The following GPN1 variants were observed in gnomAD, a reference collection of about 807,000 sequenced individuals.
The protein encoded by GPN1 is GPN-loop GTPase 1, also known as ATP(GTP)-binding protein.
In GPN1, 44 loss-of-function variants were observed where a neutral mutation model predicts 55.9. That is an observed-to-expected ratio of 0.79 (90% CI 0.62 to 1.01). GPN1 has a LOEUF of 1.01. Among genes scored for constraint, GPN1 ranks in the 50% least tolerant of loss-of-function variants. GPN1 has a pLI of 0.00. For synonymous variants in GPN1, 179 were observed against 162.5 expected, an observed-to-expected ratio of 1.10 and a Z score of -0.77; for missense variants, 466 against 462.8, an observed-to-expected ratio of 1.01 and a Z score of -0.06.
chr2:27,631,221 T>C, intron 3 of GPN1, 155 bp downstream of exon 3: 1 of 614,892 alleles, frequency 1.6e-6, no homozygotes, highest in Non-Finnish European at 2.9e-6. Flanking sequence ...AGAAATACTA[T>C]TTCAGCTTGA....
At chr2:27,644,845 T>C (rs1674144232) in intron 12 of GPN1, among the ~76,000 whole-genome samples, 1 of 151,574 alleles carries the variant, frequency 6.6e-6, no homozygotes, top group Admixed American at 6.6e-5. Flanking sequence ...TGCACCTGGC[T>C]TGTAACAGCG....
chr2:27,640,621 A>G (rs918014693), intron 10 of GPN1, among the ~76,000 whole-genome samples: 1 of 152,252 alleles, frequency 6.6e-6, no homozygotes, highest in Non-Finnish European at 1.5e-5. Flanking sequence ...ACATTTTATA[A>G]TAAATGTTAT....
intron 7 of GPN1, among the ~76,000 whole-genome samples, chr2:27,636,819 G>C (rs1673752400): frequency 6.6e-6 from 1 of 152,092 alleles, no homozygotes; most frequent in Non-Finnish European, 1.5e-5. Flanking sequence ...TGATTTGCCT[G>C]ATAGTGTTAA....
At chr2:27,630,880 A>T in intron 2 of GPN1, 147 bp from the exon 3 acceptor site, 1 of 669,856 alleles carries the variant, frequency 1.5e-6, no homozygotes, top group Non-Finnish European at 2.7e-6. Context: ...CTTGGCATTT[A>T]TTCTTTGTAA....
intron 9 of GPN1, 34 bp downstream of exon 9, chr2:27,639,065 C>T (rs1673845176): frequency 2.6e-6 from 4 of 1,542,994 alleles, no homozygotes; most frequent in African/African-American, 1.4e-5. Context: ...CTGACAGCCT[C>T]TCCAGATAAT....
At chr2:27,648,727 C>T (rs759518710) in intron 13 of GPN1, among the ~76,000 whole-genome samples, 6 of 152,154 alleles carry the variant, frequency 3.9e-5, no homozygotes, top group South Asian at 2.1e-4. Flanking sequence ...CCGCTGCCTC[C>T]CGGGTTCAAG....
At chr2:27,647,526 C>A (rs1358495512) in intron 12 of GPN1, among the ~76,000 whole-genome samples, 1 of 152,152 alleles carries the variant, frequency 6.6e-6, no homozygotes, top group Admixed American at 6.5e-5. Context: ...ATAGGAAAAA[C>A]CATCACCCCT....
chr2:27,629,980 T>G (rs758028379), intron 2 of GPN1, 28 bp downstream of exon 2: 8 of 1,230,904 alleles, frequency 6.5e-6, no homozygotes, highest in Admixed American at 5.0e-5. Flanking sequence ...ATAACTTGTG[T>G]GCAGTGCTTT....
At chr2:27,646,532 G>T (rs1674241310) in intron 12 of GPN1, among the ~76,000 whole-genome samples, 1 of 152,078 alleles carries the variant, frequency 6.6e-6, no homozygotes, top group Non-Finnish European at 1.5e-5. Context: ...TGGCTCTGCA[G>T]GGGTTTTTAG....
At chr2:27,637,418 T>A (rs1673772819) in intron 7 of GPN1, among the ~76,000 whole-genome samples, 1 of 152,166 alleles carries the variant, frequency 6.6e-6, no homozygotes, top group African/African-American at 2.4e-5. Flanking sequence ...CAAACCTATG[T>A]TGTTTAAGGG....
chr2:27,635,361 T>C, intron 7 of GPN1, 127 bp downstream of exon 7: 1 of 609,494 alleles, frequency 1.6e-6, no homozygotes, highest in Non-Finnish European at 2.9e-6. Context: ...TCAGATTTGC[T>C]GTTCAGTTGA....
chr2:27,638,261 T>G lies in GPN1; in HGVS notation c.570+6T>G, dbSNP rs1371201041. 1 of 1,507,912 alleles carries G rather than the reference T, an allele frequency of 6.6e-7. No homozygotes were observed. Among genetic ancestry groups the G allele is most frequent in the African/African-American group, 1.4e-5 (1 of 72,876 alleles). 93.4% of individuals were successfully genotyped at this position (1,507,912 alleles called of 1,614,324 possible). ...TCATTGTGGTCATGAATAAAGTAAGTGTATTCTTCCTGTTGTGATTCACCA... is the reference window on the plus strand; with the variant it reads ...TCATTGTGGTCATGAATAAAGTAAGGGTATTCTTCCTGTTGTGATTCACCA... On this transcript the variant is annotated splice_donor_region_variant and intron_variant, in intron 8 of 13. Coordinates refer to ENST00000610189, the MANE Select transcript of GPN1 (RefSeq NM_007266.4).
At chr2:27,640,581 A>T (rs1403363023) in intron 10 of GPN1, among the ~76,000 whole-genome samples, 1 of 152,236 alleles carries the variant, frequency 6.6e-6, no homozygotes, top group African/African-American at 2.4e-5. Flanking sequence ...CGTATACAGC[A>T]CTTATCACAA....
Position 27,629,177 on chromosome 2 carries a change from A to G in GPN1, c.111+8A>G. ...AAAACCACTTTTGTACAGGTGACGT[A>G]CACAGCATGGGTGTAGTAGGGGAGC... is the stretch of plus-strand genomic sequence containing the variant. On this transcript the variant is annotated splice_region_variant and intron_variant, in intron 1 of 13. Coordinates refer to ENST00000610189, the MANE Select transcript of GPN1 (RefSeq NM_007266.4). The G allele has an allele frequency of 6.2e-7, 1 of 1,614,068 alleles. No homozygotes were observed. Among genetic ancestry groups the G allele is most frequent in the Non-Finnish European group, 8.5e-7 (1 of 1,179,946 alleles).
intron 4 of GPN1, 126 bp from the exon 5 acceptor site, chr2:27,632,507 A>C (rs966496343): frequency 2.8e-6 from 2 of 721,364 alleles, no homozygotes; most frequent in African/African-American, 1.8e-5. Context: ...TAAGATTGCA[A>C]ATGTTCAGTA....
intron 1 of GPN1, chr2:27,629,523 G>A (rs1038844992): frequency 4.4e-6 from 4 of 900,956 alleles, no homozygotes; most frequent in South Asian, 1.4e-5. Context: ...TTTCTTGCAC[G>A]CCTGTCATGT....
rs1673931529 is a variant in GPN1, at chr2:27,641,162, A to G, written c.801-78A>G. On this transcript the variant is annotated intron_variant, in intron 10 of 13. Coordinates refer to ENST00000610189, the MANE Select transcript of GPN1 (RefSeq NM_007266.4). ...GTTTTATTATTGTCAGTCTTAGGAA[A>G]ATAGAGATAAGGGGATGTGGAGAGT... 3.3e-6 allele frequency: 3 copies of G among 914,280 alleles called. No individual in the cohort carries two copies. In the East Asian group the frequency reaches 7.3e-5, roughly 22 times the overall value. 56.6% of individuals were successfully genotyped at this position (914,280 alleles called of 1,614,324 possible).
chr2:27,640,180 T>C, intron 10 of GPN1, 55 bp downstream of exon 10: 2 of 1,159,810 alleles, frequency 1.7e-6, no homozygotes, highest in Non-Finnish European at 2.6e-6. Context: ...ACAATTCTGA[T>C]ATGAAAGCAG....
intron 6 of GPN1, 27 bp downstream of exon 6, chr2:27,634,951 G>C (rs776136212): frequency 9.2e-5 from 119 of 1,290,030 alleles, no homozygotes; most frequent in Admixed American, 1.8e-4. Context: ...TTGCTACTGA[G>C]AGTAGCTAGA....
Sources: gnomAD v4.1 joint callset for allele counts (sites outside exome capture counted in the v4.1 genomes callset) on GRCh38, gnomAD v4.1.1 for gene constraint, MANE v1.5 for transcripts, NCBI Gene and HGNC (gene_info 2026-07-23, HGNC 2026-07-21) for gene names.